Variants in RANBP3L observed in about 807,000 individuals in gnomAD.
RANBP3L encodes the protein RAN binding protein 3 like, also known as ran-binding protein 3-like.
RANBP3L carries 56 observed loss-of-function variants against 67.2 expected under a neutral mutation model. The ratio of observed to expected loss-of-function variants is 0.83; its 90% CI spans 0.67 to 1.04. RANBP3L has a LOEUF of 1.04. RANBP3L is among the 50% of genes least tolerant of loss of function. RANBP3L has a pLI of 0.00. For synonymous variants in RANBP3L, 164 were observed against 181.4 expected, an observed-to-expected ratio of 0.90 and a Z score of 0.77; for missense variants, 496 against 535.5, an observed-to-expected ratio of 0.93 and a Z score of 0.73.
intron 1 of RANBP3L, among the ~76,000 whole-genome samples, chr5:36,273,381 A>G (rs867433625): frequency 1.3e-5 from 2 of 152,216 alleles, no homozygotes; most frequent in African/African-American, 4.8e-5. Context: ...GAGGGCATAT[A>G]GCAAAGTAAA....
At chr5:36,258,720 A>C (rs570695517) in intron 8 of RANBP3L, among the ~76,000 whole-genome samples, 1 of 152,326 alleles carries the variant, frequency 6.6e-6, no homozygotes, top group South Asian at 2.1e-4. Flanking sequence ...CGTAGTCCTG[A>C]CTATAGTTTA....
intron 1 of RANBP3L, among the ~76,000 whole-genome samples, chr5:36,297,425 A>G (rs1752301379): frequency 1.2e-5 from 1 of 81,540 alleles, no homozygotes; most frequent in African/African-American, 5.8e-5. Flanking sequence ...AGTCACCTGT[A>G]TACACACACA....
intron 1 of RANBP3L, among the ~76,000 whole-genome samples, chr5:36,293,468 C>T (rs1260725705): frequency 6.6e-6 from 1 of 151,950 alleles, no homozygotes; most frequent in East Asian, 1.9e-4. Flanking sequence ...GAGGTCATCC[C>T]TGTCTTGTGC....
At chr5:36,257,397 A>T in intron 9 of RANBP3L, 57 bp downstream of exon 9, 1 of 694,108 alleles carries the variant, frequency 1.4e-6, no homozygotes, top group Non-Finnish European at 2.4e-6. Flanking sequence ...GTTAATAAAT[A>T]AAAAACAGGA....
At chr5:36,289,535 A>C (rs781204677) in intron 1 of RANBP3L, among the ~76,000 whole-genome samples, 1 of 152,112 alleles carries the variant, frequency 6.6e-6, no homozygotes, top group Non-Finnish European at 1.5e-5. Flanking sequence ...TGAATTTGGG[A>C]TGTATCTCTT....
chr5:36,253,872 G>T, intron 11 of RANBP3L, 83 bp from the exon 12 acceptor site: 1 of 1,393,342 alleles, frequency 7.2e-7, no homozygotes, highest in Non-Finnish European at 9.8e-7. Flanking sequence ...AATAAATCTT[G>T]TAGTTGTTTT....
chr5:36,284,838 G>A (rs966633833), intron 1 of RANBP3L, among the ~76,000 whole-genome samples: 7 of 152,182 alleles, frequency 4.6e-5, no homozygotes, highest in Non-Finnish European at 7.3e-5. Context: ...GAGACAGTTG[G>A]ATGTAGTTGG....
chr5:36,262,084 CT>C, intron 6 of RANBP3L, 42 bp from the exon 7 acceptor site: 1 of 949,926 alleles, frequency 1.1e-6, no homozygotes, highest in Non-Finnish European at 1.7e-6. Flanking sequence ...TAAAGACTAC[CT>C]TACTATAGGA....
intron 6 of RANBP3L, among the ~76,000 whole-genome samples, chr5:36,263,193 A>C (rs1022128987): frequency 6.6e-6 from 1 of 152,142 alleles, no homozygotes; most frequent in Admixed American, 6.5e-5. Context: ...TTTCTTTTTA[A>C]TGATGGGCAT....
chr5:36,263,463 A>C (rs536964889), intron 6 of RANBP3L, among the ~76,000 whole-genome samples: 132 of 152,370 alleles, frequency 8.7e-4, no homozygotes, highest in African/African-American at 3.1e-3. Context: ...TTTATAGTGC[A>C]TGCCATTTTA....
chr5:36,284,905 C>T (rs2112044969), intron 1 of RANBP3L, among the ~76,000 whole-genome samples: 1 of 152,274 alleles, frequency 6.6e-6, no homozygotes, highest in Non-Finnish European at 1.5e-5. Context: ...AACAACTGAA[C>T]CACAAATTGA....
intron 1 of RANBP3L, among the ~76,000 whole-genome samples, chr5:36,297,326 G>A (rs1752293127): frequency 6.6e-6 from 1 of 151,894 alleles, no homozygotes; most frequent in African/African-American, 2.4e-5. Context: ...GGAGGAAGAG[G>A]AAGGGTTGAT....
intron 13 of RANBP3L, among the ~76,000 whole-genome samples, chr5:36,250,692 G>T (rs1748529423): frequency 6.6e-6 from 1 of 152,054 alleles, no homozygotes; most frequent in South Asian, 2.1e-4. Flanking sequence ...GTTTGACATT[G>T]TTTTTCTCCA....
chr5:36,252,549 G>A (rs183926567), intron 12 of RANBP3L, among the ~76,000 whole-genome samples: 85 of 152,128 alleles, frequency 5.6e-4, no homozygotes, highest in Admixed American at 1.2e-3. Flanking sequence ...CTTTCCCGAA[G>A]GTTATACGGT....
At chr5:36,294,486 A>C (rs12516393) in intron 1 of RANBP3L, among the ~76,000 whole-genome samples, 32,405 of 151,618 alleles carry the variant, frequency 0.21, 4,134 homozygotes, top group Non-Finnish European at 0.28. Flanking sequence ...TCTTTTAATT[A>C]TGATGTTAGG....
chr5:36,263,756 A>G (rs1749558169), intron 6 of RANBP3L, among the ~76,000 whole-genome samples: 1 of 152,188 alleles, frequency 6.6e-6, no homozygotes, highest in Non-Finnish European at 1.5e-5. Flanking sequence ...GGAACGTTTT[A>G]GCTCAAGAGA....
In RANBP3L at chr5:36,268,594, T is replaced by A. The variant is rs1181011622; in HGVS notation, c.268+796A>T. On this transcript the variant is annotated intron_variant, in intron 4 of 13. Coordinates refer to ENST00000296604, the MANE Select transcript of RANBP3L (RefSeq NM_145000.5). ...GGCATAGAGCTCATTATGAAAGGAA[T>A]CCCTGGAGTGCTTTCAGCATAGAAG... 2.0e-5 allele frequency among the ~76,000 whole-genome samples: 3 copies of A among 152,212 alleles called. No individual in the cohort carries two copies. In the East Asian group the frequency reaches 5.8e-4, roughly 29 times the overall value.
At chr5:36,278,029 T>TTTCC (rs1257561080) in intron 1 of RANBP3L, among the ~76,000 whole-genome samples, 2 of 152,050 alleles carry the variant, frequency 1.3e-5, no homozygotes, top group African/African-American at 4.8e-5. Flanking sequence ...GTCCCCATGA[T>TTTCC]TCAATAATTT....
At chr5:36,262,529 T>C (rs1039139654) in intron 6 of RANBP3L, among the ~76,000 whole-genome samples, 4 of 152,144 alleles carry the variant, frequency 2.6e-5, no homozygotes, top group African/African-American at 9.7e-5. Flanking sequence ...TCCAGTTACT[T>C]TGCCTTATGT....
Sources: allele counts gnomAD v4.1 joint callset (sites outside exome capture counted in the v4.1 genomes callset), GRCh38; gene constraint gnomAD v4.1.1; transcripts MANE v1.5; gene names NCBI Gene and HGNC (gene_info 2026-07-23, HGNC 2026-07-21).